PIAS2: variants seen among roughly 807,000 people sequenced by gnomAD.
PIAS2 encodes the protein E3 SUMO-protein ligase PIAS2.
A neutral mutation model predicts 69.7 loss-of-function variants in PIAS2; 19 were observed. The observed-to-expected ratio is 0.27, with a 90% CI of 0.19 to 0.40. The LOEUF is 0.40. Ranked by LOEUF, PIAS2 falls within the 10% of genes least tolerant of loss-of-function variation. PIAS2 has a pLI of 1.00. For missense variants in PIAS2, 624 were observed against 757.0 expected, an observed-to-expected ratio of 0.82 and a Z score of 2.06; for synonymous variants, 261 against 263.2, an observed-to-expected ratio of 0.99 and a Z score of 0.08.
At chr18:46,822,221 A>G (rs1204205509) in intron 11 of PIAS2, among the ~76,000 whole-genome samples, 1 of 152,212 alleles carries the variant, frequency 6.6e-6, no homozygotes, top group Non-Finnish European at 1.5e-5. Flanking sequence ...ATGGATATCA[A>G]TACAAATGTG....
intron 11 of PIAS2, among the ~76,000 whole-genome samples, chr18:46,825,636 TGA>T (rs1470607437): frequency 6.6e-6 from 1 of 152,216 alleles, no homozygotes; most frequent in Admixed American, 6.5e-5. Context: ...TGAAATGCTC[TGA>T]GAGTCATATA....
chr18:46,858,316 T>C (rs1235712580), intron 3 of PIAS2, among the ~76,000 whole-genome samples: 1 of 151,570 alleles, frequency 6.6e-6, no homozygotes, highest in Non-Finnish European at 1.5e-5. Flanking sequence ...GTTTAAAGCA[T>C]CAAAGAGAAA....
chr18:46,823,611 C>T (rs1473478569), intron 11 of PIAS2, among the ~76,000 whole-genome samples: 1 of 152,152 alleles, frequency 6.6e-6, no homozygotes, highest in Non-Finnish European at 1.5e-5. Context: ...TTAGGCAACA[C>T]CAAAAGGTTG....
At chr18:46,814,481 C>T (rs117891983) in intron 13 of PIAS2, among the ~76,000 whole-genome samples, 2,319 of 152,138 alleles carry the variant, frequency 0.015, 18 homozygotes, top group Non-Finnish European at 0.024. Context: ...AGGTCAACTC[C>T]GAATGATAAG....
rs202206178 is a variant in PIAS2, at chr18:46,890,770, C to A, written c.309G>T (p.Ser103=). 8 of 1,614,000 alleles carry A rather than the reference C, an allele frequency of 5.0e-6. No homozygotes were observed. The African/African-American group carries it at 9.3e-5, about 19-fold the overall frequency. ...GAGGTGTAACTGAAGTGGAAGGCAACGAGTGGATTCCAGCCACGGCCAAGT... is the reference window on the plus strand; with the variant it reads ...GAGGTGTAACTGAAGTGGAAGGCAAAGAGTGGATTCCAGCCACGGCCAAGT... ...EPDLAVAGIH[S]LPSTSVTPHS... The change falls in exon 2 of 14, where the codon TCG becomes TCT. Residue 103 remains serine, a synonymous_variant. Coordinates refer to ENST00000585916, the MANE Select transcript of PIAS2 (RefSeq NM_004671.5).
At position 46,844,032 on chromosome 18, in the gene PIAS2, AATGT is replaced by A. The variant is rs761687658; in HGVS notation, c.1041+18_1041+21del. On this transcript the variant is annotated intron_variant, in intron 8 of 13. Transcript: ENST00000585916. ...ATTTATAAAAAGTCAAATTCCCCAA[AATGT>A]TTTGTTGCTTTACTTACAGGGCACA... 2.8e-6 allele frequency: 4 copies of A among 1,407,250 alleles called. No individual in the cohort carries two copies. Among genetic ancestry groups the A allele is most frequent in the Non-Finnish European group, 1.9e-6 (2 of 1,046,752 alleles). 87.2% of individuals were successfully genotyped at this position (1,407,250 alleles called of 1,614,324 possible). A position where few individuals can be genotyped will look rare whatever the true frequency, so the allele number is the denominator to read the frequency against.
chr18:46,808,855 A>G lies in PIAS2; in HGVS notation c.*3578T>C, dbSNP rs1397005032. 1.3e-5 allele frequency: 2 copies of G among 148,882 alleles called. No individual in the cohort carries two copies. Among genetic ancestry groups the G allele is most frequent in the African/African-American group, 5.0e-5 (2 of 40,312 alleles). The allele number at this position is 148,882 out of a possible 1,614,324, so 9.2% of individuals were successfully genotyped here. ...TTTTTTTTTTTTTTAAACCAACTGA[A>G]GGCCAGAGAAATGAAAGGCATACCC... On this transcript the variant is annotated 3_prime_UTR_variant, in exon 14 of 14. Transcript: ENST00000585916.
intron 2 of PIAS2, among the ~76,000 whole-genome samples, chr18:46,889,454 A>T (rs976286562): frequency 6.6e-6 from 1 of 152,222 alleles, no homozygotes; most frequent in African/African-American, 2.4e-5. Flanking sequence ...AAAGATACAT[A>T]AATGGCCAAA....
rs554611874 is a variant in PIAS2, at chr18:46,890,740, T to C, written c.339A>G (p.Ser113=). The change falls in exon 2 of 14, where the codon TCA becomes TCG. Residue 113 remains serine (S), a synonymous_variant. Coordinates refer to ENST00000585916, the MANE Select transcript of PIAS2 (RefSeq NM_004671.5). The stretch of plus-strand genomic sequence containing the variant: ...GCACAGAACCAACAGGAGAGGATGG[T>C]GAGTGAGGTGTAACTGAAGTGGAAG... The part of the protein sequence containing the change: ...SLPSTSVTPH[S]PSSPVGSVLL... 1.2e-6 allele frequency: 2 copies of C among 1,614,040 alleles called. No individual in the cohort carries two copies. Among genetic ancestry groups the C allele is most frequent in the South Asian group, 1.1e-5 (1 of 91,070 alleles).
At chr18:46,894,887 A>AC in intron 1 of PIAS2, among the ~76,000 whole-genome samples, 1 of 151,944 alleles carries the variant, frequency 6.6e-6, no homozygotes, top group East Asian at 1.9e-4. Context: ...CCTGACCAAC[A>AC]CGGTGAAACC....
upstream of PIAS2, among the ~76,000 whole-genome samples, chr18:46,919,765 G>A (rs536788059): frequency 5.3e-5 from 8 of 152,146 alleles, no homozygotes; most frequent in African/African-American, 1.7e-4. Context: ...AATGAATAAA[G>A]GAATGAATGA....
intron 13 of PIAS2, 122 bp downstream of exon 13, chr18:46,815,185 CTTCCT>C (rs2041376940): frequency 2.7e-6 from 2 of 731,238 alleles, no homozygotes; most frequent in Non-Finnish European, 4.7e-6. Context: ...TTGCACAGTA[CTTCCT>C]TTCCATCAAT....
At chr18:46,843,968 T>C in intron 8 of PIAS2, 86 bp downstream of exon 8, 2 of 734,328 alleles carry the variant, frequency 2.7e-6, no homozygotes, top group Admixed American at 5.4e-5. Flanking sequence ...TCATAATATA[T>C]CATTCATTCC....
At chr18:46,855,834 G>A (rs1404797457) in intron 3 of PIAS2, among the ~76,000 whole-genome samples, 1 of 151,912 alleles carries the variant, frequency 6.6e-6, no homozygotes, top group African/African-American at 2.4e-5. Context: ...CAATTTTAAG[G>A]TACCTTCAAT....
At chr18:46,911,216 T>C (rs2057224401) in intron 1 of PIAS2, among the ~76,000 whole-genome samples, 1 of 144,634 alleles carries the variant, frequency 6.9e-6, no homozygotes, top group Admixed American at 6.9e-5. Flanking sequence ...TTATATTTCT[T>C]TTTTTTTTTT....
chr18:46,909,673 C>T (rs1436901747), intron 1 of PIAS2, among the ~76,000 whole-genome samples: 1 of 152,152 alleles, frequency 6.6e-6, no homozygotes, highest in African/African-American at 2.4e-5. Context: ...TGACATTATC[C>T]AATATTGGTG....
chr18:46,815,615 A>C, intron 12 of PIAS2: 1 of 1,110,150 alleles, frequency 9.0e-7, no homozygotes, highest in South Asian at 3.6e-5. Flanking sequence ...ACTAGTCAAA[A>C]CAAATATTTC....
intron 2 of PIAS2, among the ~76,000 whole-genome samples, chr18:46,864,579 T>C (rs1487542534): frequency 6.6e-6 from 1 of 152,174 alleles, no homozygotes; most frequent in African/African-American, 2.4e-5. Flanking sequence ...GAGACCAGCC[T>C]GACCAACATG....
At chr18:46,919,315 C>G (rs573531965), upstream of PIAS2, among the ~76,000 whole-genome samples, 1 of 151,946 alleles carries the variant, frequency 6.6e-6, no homozygotes. Flanking sequence ...GGAGAAACCC[C>G]GTCTCCACCA....
Sources: allele counts gnomAD v4.1 joint callset (sites outside exome capture counted in the v4.1 genomes callset), GRCh38; gene constraint gnomAD v4.1.1; transcripts MANE v1.5; gene names NCBI Gene and HGNC (gene_info 2026-07-23, HGNC 2026-07-21).